SGCZ: variants seen among roughly 807,000 people sequenced by gnomAD.
SGCZ encodes zeta-sarcoglycan.
Under a neutral mutation model 41.3 loss-of-function variants are expected in SGCZ, and 40 were observed. That is an observed-to-expected ratio of 0.97 (90% CI 0.75 to 1.26). The LOEUF is 1.26. Ranked by LOEUF, SGCZ falls within the 50% of genes most tolerant of loss-of-function variation. The pLI is 0.00. For missense variants in SGCZ, 552 were observed against 369.8 expected, an observed-to-expected ratio of 1.49 and a Z score of -4.04; for synonymous variants, 206 against 137.5, an observed-to-expected ratio of 1.50 and a Z score of -3.49.
At chr8:14,969,602 T>C (rs540319885) in intron 1 of SGCZ, among the ~76,000 whole-genome samples, 1 of 151,954 alleles carries the variant, frequency 6.6e-6, no homozygotes, top group Non-Finnish European at 1.5e-5. Flanking sequence ...TTTGTTTTTG[T>C]TTTTGTTTTG....
chr8:14,191,400 A>G (rs1308689564), intron 4 of SGCZ, among the ~76,000 whole-genome samples: 5 of 152,194 alleles, frequency 3.3e-5, no homozygotes, highest in Non-Finnish European at 1.5e-5. Context: ...CCAAAAAATC[A>G]CTGCCAAGGT....
At chr8:14,349,368 C>A (rs1299735520) in intron 2 of SGCZ, among the ~76,000 whole-genome samples, 2 of 152,062 alleles carry the variant, frequency 1.3e-5, no homozygotes, top group African/African-American at 2.4e-5. Flanking sequence ...AAATGTTGTG[C>A]TCCCCTTTTA....
intron 4 of SGCZ, among the ~76,000 whole-genome samples, chr8:14,230,641 C>T (rs1045827245): frequency 2.0e-5 from 3 of 152,022 alleles, no homozygotes; most frequent in Non-Finnish European, 4.4e-5. Context: ...TTTTTACATA[C>T]TGTATACATC....
chr8:14,298,870 C>G (rs977193371), intron 3 of SGCZ, among the ~76,000 whole-genome samples: 3 of 151,758 alleles, frequency 2.0e-5, no homozygotes, highest in Non-Finnish European at 4.4e-5. Context: ...TAAAAAGAAC[C>G]TAGAACAGTT....
intron 1 of SGCZ, among the ~76,000 whole-genome samples, chr8:14,702,790 C>G (rs1282147855): frequency 1.4e-5 from 2 of 145,368 alleles, no homozygotes; most frequent in African/African-American, 2.5e-5. Context: ...GACAGACAGA[C>G]AGGCAGACAG....
chr8:15,025,743 A>C (rs573618470), intron 1 of SGCZ, among the ~76,000 whole-genome samples: 1 of 152,314 alleles, frequency 6.6e-6, no homozygotes, highest in South Asian at 2.1e-4. Context: ...TTTCTGACAT[A>C]TGAGATTGGA....
At chr8:15,189,734 A>C (rs1311799673) in intron 1 of SGCZ, among the ~76,000 whole-genome samples, 1 of 151,982 alleles carries the variant, frequency 6.6e-6, no homozygotes, top group Admixed American at 6.6e-5. Flanking sequence ...TATTTTTAGT[A>C]GAGAAGGGGT....
intron 1 of SGCZ, among the ~76,000 whole-genome samples, chr8:14,589,806 A>C (rs1029996454): frequency 1.3e-5 from 2 of 152,198 alleles, no homozygotes. Flanking sequence ...TATGTTATCC[A>C]TCACTTTCGT....
At chr8:14,432,232 A>T (rs7009959) in intron 2 of SGCZ, among the ~76,000 whole-genome samples, 83,752 of 152,062 alleles carry the variant, frequency 0.55, 24,837 homozygotes, top group East Asian at 0.78. Context: ...TTGCACAGAG[A>T]TGTTTATAGT....
intron 2 of SGCZ, among the ~76,000 whole-genome samples, chr8:14,541,749 C>G (rs1449105256): frequency 6.6e-6 from 1 of 152,112 alleles, no homozygotes. Flanking sequence ...CTCCCATTAA[C>G]AGTGTAAAAG....
intron 1 of SGCZ, among the ~76,000 whole-genome samples, chr8:14,847,692 G>A (rs1803180411): frequency 7.3e-6 from 1 of 136,674 alleles, no homozygotes; most frequent in Admixed American, 7.4e-5. Flanking sequence ...GGAGGGAGGA[G>A]GGGAGGAGAG....
intron 1 of SGCZ, among the ~76,000 whole-genome samples, chr8:14,929,857 C>A (rs770668695): frequency 6.6e-6 from 1 of 151,894 alleles, no homozygotes; most frequent in Non-Finnish European, 1.5e-5. Context: ...ATGACAGGCA[C>A]GAAATGTGAC....
intron 1 of SGCZ, among the ~76,000 whole-genome samples, chr8:14,649,991 G>T (rs1364010786): frequency 6.6e-6 from 1 of 152,060 alleles, no homozygotes; most frequent in African/African-American, 2.4e-5. Context: ...ATCAGAAGGA[G>T]TGACATCCTT....
chr8:15,177,669 G>A (rs1800040534), intron 1 of SGCZ, among the ~76,000 whole-genome samples: 2 of 152,120 alleles, frequency 1.3e-5, no homozygotes, highest in African/African-American at 4.8e-5. Flanking sequence ...AATGTATAAT[G>A]GGCAATCTGT....
chr8:14,325,238 G>C (rs956076738), intron 2 of SGCZ, among the ~76,000 whole-genome samples: 13 of 152,006 alleles, frequency 8.6e-5, no homozygotes, highest in Admixed American at 8.5e-4. Context: ...TAATTGCGTA[G>C]TAGTTTGAGG....
intron 4 of SGCZ, among the ~76,000 whole-genome samples, chr8:14,168,874 G>A (rs531283948): frequency 4.3e-4 from 65 of 151,996 alleles, no homozygotes; most frequent in East Asian, 3.5e-3. Context: ...ACCATTTAGC[G>A]GACTTACTAT....
At chr8:14,614,566 A>G (rs1036300809) in intron 1 of SGCZ, among the ~76,000 whole-genome samples, 4 of 152,196 alleles carry the variant, frequency 2.6e-5, no homozygotes, top group Non-Finnish European at 5.9e-5. Flanking sequence ...TTTTGTGAAT[A>G]GTAGCTTGAA....
chr8:14,459,055 A>G (rs67433011), intron 2 of SGCZ, among the ~76,000 whole-genome samples: 23,442 of 152,198 alleles, frequency 0.15, 2,071 homozygotes, highest in African/African-American at 0.25. Flanking sequence ...GTATTGGATT[A>G]TAACTCATAA....
intron 1 of SGCZ, among the ~76,000 whole-genome samples, chr8:14,878,188 T>A (rs942332944): frequency 3.3e-5 from 5 of 151,524 alleles, no homozygotes; most frequent in Non-Finnish European, 7.4e-5. Context: ...TCTTCTTTTT[T>A]TCTTTTTTTC....
Sources: allele counts gnomAD v4.1 joint callset (sites outside exome capture counted in the v4.1 genomes callset), GRCh38; gene constraint gnomAD v4.1.1; transcripts MANE v1.5; gene names NCBI Gene and HGNC (gene_info 2026-07-23, HGNC 2026-07-21).